The following RAP1GDS1 variants were observed in gnomAD, a reference collection of about 807,000 sequenced individuals.
The protein encoded by RAP1GDS1 is RAP1, GTP-GDP dissociation stimulator 1.
In RAP1GDS1, 35 loss-of-function variants were observed where a neutral mutation model predicts 71.1. The observed-to-expected ratio is 0.49, with a 90% confidence interval of 0.38 to 0.65. The LOEUF (loss-of-function observed/expected upper bound fraction) is 0.65, where lower values mean the gene tolerates loss of function less well. Among genes scored for constraint, RAP1GDS1 ranks in the 30% least tolerant of loss-of-function variants. The pLI is 0.00. For missense variants in RAP1GDS1, 663 were observed against 706.1 expected (o/e 0.94, Z 0.69); for synonymous variants, 229 against 243.1 (o/e 0.94, Z 0.54).
At chr4:98,307,993 A>G (rs1458615682) in intron 2 of RAP1GDS1, among the ~76,000 whole-genome samples, 1 of 151,870 alleles carries the variant, frequency 6.6e-6, no homozygotes, top group East Asian at 1.9e-4. Flanking sequence ...GTTCTTTTTC[A>G]GTTTAAGAAA....
At chr4:98,286,886 TAAAAA>T (rs778410316) in intron 1 of RAP1GDS1, among the ~76,000 whole-genome samples, 3 of 90,148 alleles carry the variant, frequency 3.3e-5, no homozygotes, top group Admixed American at 1.2e-4. Flanking sequence ...AACTCCGTCT[TAAAAA>T]AAAAAAAAAA....
At chr4:98,334,475 C>G (rs1272236615) in intron 2 of RAP1GDS1, among the ~76,000 whole-genome samples, 1 of 152,110 alleles carries the variant, frequency 6.6e-6, no homozygotes, top group African/African-American at 2.4e-5. Flanking sequence ...CTTTTGTTTG[C>G]CAGTCTGATT....
chr4:98,296,668 A>T (rs1727802024), intron 2 of RAP1GDS1, among the ~76,000 whole-genome samples: 1 of 152,166 alleles, frequency 6.6e-6, no homozygotes, highest in African/African-American at 2.4e-5. Context: ...TTCAGATTAT[A>T]GTTAGAAGAT....
intron 4 of RAP1GDS1, among the ~76,000 whole-genome samples, chr4:98,378,114 T>A (rs1741446775): frequency 6.6e-6 from 1 of 151,960 alleles, no homozygotes; most frequent in Admixed American, 6.6e-5. Flanking sequence ...TTCACATTTA[T>A]GGCTCACACA....
chr4:98,287,826 A>G (rs1229851601), intron 1 of RAP1GDS1, among the ~76,000 whole-genome samples: 1 of 152,152 alleles, frequency 6.6e-6, no homozygotes, highest in African/African-American at 2.4e-5. Flanking sequence ...GTATGTTCAC[A>G]AAACATATTT....
chr4:98,442,178 GCTT>G lies in RAP1GDS1; in HGVS notation c.*66_*68del. The stretch of plus-strand genomic sequence containing the variant: ...TTTCCCCTCTGTCCTCCATCCAGCG[GCTT>G]CTTCCGCTTCATTCTCTACCATACC... On this transcript the variant is annotated 3_prime_UTR_variant, in exon 15 of 15. Transcript: ENST00000408927. 6.3e-7 allele frequency: 1 copy of G among 1,579,502 alleles called. No homozygotes were observed. The highest frequency in any genetic ancestry group is 1.3e-5 in the African/African-American group (1 of 74,416).
At position 98,418,970 on chromosome 4, in the gene RAP1GDS1, G is replaced by A. The variant is rs146448988; in HGVS notation, c.1174+179G>A. 1.1e-3 allele frequency among the ~76,000 whole-genome samples: 161 copies of A among 152,262 alleles called. 1 individual carries two copies. The highest frequency in any genetic ancestry group is 3.8e-3 in the African/African-American group (156 of 41,544). On this transcript the variant is annotated intron_variant, in intron 10 of 14. Coordinates refer to ENST00000408927, the MANE Select transcript of RAP1GDS1 (RefSeq NM_001100427.2). ...GGAGATCATATGTTAAATAAGTTTT[G>A]TGAGACTGTACAAGAATAATCTTTG...
At chr4:98,329,257 C>T (rs957322399) in intron 2 of RAP1GDS1, among the ~76,000 whole-genome samples, 3 of 152,064 alleles carry the variant, frequency 2.0e-5, no homozygotes, top group Non-Finnish European at 2.9e-5. Flanking sequence ...TAAAAGTATA[C>T]TTTATTAAAT....
intron 6 of RAP1GDS1, among the ~76,000 whole-genome samples, chr4:98,399,870 A>G (rs532703951): frequency 6.6e-6 from 1 of 152,220 alleles, no homozygotes; most frequent in East Asian, 1.9e-4. Flanking sequence ...AAAACCATAA[A>G]TAGGCCAGAT....
chr4:98,326,609 T>G (rs1439713466), intron 2 of RAP1GDS1, among the ~76,000 whole-genome samples: 1 of 152,170 alleles, frequency 6.6e-6, no homozygotes, highest in African/African-American at 2.4e-5. Context: ...TCTACATTTA[T>G]TTATTTTTTC....
In RAP1GDS1 at chr4:98,391,951, G is replaced by A. The variant is rs1053044443; in HGVS notation, c.509-1G>A. On this transcript the variant is annotated splice_acceptor_variant, in intron 5 of 14. Coordinates refer to ENST00000408927, the MANE Select transcript of RAP1GDS1 (RefSeq NM_001100427.2). LOFTEE classifies it high-confidence loss of function. ...TTGTTGTTTTTTTTTTGTTTTTACA[G>A]ATTCGCTTCAAGCTCAGCTTATCAA... The A allele has an allele frequency of 1.3e-6, 2 of 1,575,038 alleles. No homozygotes were observed. Among genetic ancestry groups the A allele is most frequent in the Non-Finnish European group, 1.7e-6 (2 of 1,164,648 alleles).
intron 14 of RAP1GDS1, chr4:98,441,431 A>G (rs772036875): frequency 3.0e-6 from 3 of 985,170 alleles, no homozygotes; most frequent in Non-Finnish European, 3.6e-6. Context: ...TTTTGCCACA[A>G]AATTAATTTG....
chr4:98,414,062 G>A (rs1036874595), intron 7 of RAP1GDS1, among the ~76,000 whole-genome samples: 13 of 151,574 alleles, frequency 8.6e-5, no homozygotes, highest in Admixed American at 1.3e-4. Context: ...TTTTTGATGG[G>A]GTTGTTTTTT....
At chr4:98,437,116 T>TA (rs1751246462) in intron 14 of RAP1GDS1, 48 bp downstream of exon 14, 1 of 1,471,444 alleles carries the variant, frequency 6.8e-7, no homozygotes. Context: ...TGGTTCACAT[T>TA]AAATATTAAA....
At chr4:98,414,661 C>G (rs1295322061) in intron 7 of RAP1GDS1, among the ~76,000 whole-genome samples, 2 of 150,212 alleles carry the variant, frequency 1.3e-5, no homozygotes, top group Non-Finnish European at 3.0e-5. Context: ...ATGCCTCCAG[C>G]TTTGTTCTTT....
At chr4:98,344,636 A>G (rs951607529) in intron 3 of RAP1GDS1, among the ~76,000 whole-genome samples, 8 of 152,192 alleles carry the variant, frequency 5.3e-5, no homozygotes, top group East Asian at 1.9e-4. Context: ...GATGACAGCT[A>G]TGTTCGAAAG....
chr4:98,419,953 T>C, intron 10 of RAP1GDS1, 66 bp from the exon 11 acceptor site: 1 of 1,399,036 alleles, frequency 7.1e-7, no homozygotes, highest in Non-Finnish European at 9.7e-7. Context: ...TAAACCTGTA[T>C]TGAATTGAAT....
chr4:98,335,127 A>G (rs576276857), intron 2 of RAP1GDS1, among the ~76,000 whole-genome samples: 2 of 152,318 alleles, frequency 1.3e-5, no homozygotes, highest in Admixed American at 1.3e-4. Context: ...ACATGCCTTA[A>G]TGTTTGAGAA....
chr4:98,430,488 T>G (rs751131396), intron 12 of RAP1GDS1, among the ~76,000 whole-genome samples: 2 of 152,238 alleles, frequency 1.3e-5, no homozygotes, highest in Non-Finnish European at 2.9e-5. Flanking sequence ...TTTCATCAAA[T>G]TATAATCCCA....
Sources: allele counts gnomAD v4.1 joint callset (sites outside exome capture counted in the v4.1 genomes callset), GRCh38; gene constraint gnomAD v4.1.1; transcripts MANE v1.5; gene names NCBI Gene and HGNC (gene_info 2026-07-23, HGNC 2026-07-21).